Variants in PRKG2 observed in about 807,000 individuals in gnomAD.
PRKG2 encodes protein kinase cGMP-dependent 2, also known as cGMP-dependent protein kinase 2.
In PRKG2, 33 loss-of-function variants were observed where a neutral mutation model predicts 97.2. The ratio of observed to expected loss-of-function variants is 0.34; its 90% CI spans 0.26 to 0.45. The LOEUF (loss-of-function observed/expected upper bound fraction) is 0.45, where lower values mean the gene tolerates loss of function less well. PRKG2 is among the 20% of genes least tolerant of loss of function. The pLI is 1.00. For synonymous variants in PRKG2, 330 were observed against 321.8 expected (o/e 1.03, Z -0.27); for missense variants, 638 against 900.0 (o/e 0.71, Z 3.73).
intron 6 of PRKG2, 135 bp from the exon 7 acceptor site, chr4:81,153,856 C>T: frequency 1.6e-6 from 1 of 628,518 alleles, no homozygotes; most frequent in Non-Finnish European, 2.8e-6. Flanking sequence ...TCTGAGGTAC[C>T]GGGTTCATCT....
At chr4:81,092,821 T>C (rs1028128400) in intron 17 of PRKG2, among the ~76,000 whole-genome samples, 2 of 152,200 alleles carry the variant, frequency 1.3e-5, no homozygotes, top group Non-Finnish European at 1.5e-5. Context: ...CTTTGCCTTA[T>C]ATCCTATCTG....
At chr4:81,094,730 G>C (rs1360406947) in intron 17 of PRKG2, among the ~76,000 whole-genome samples, 1 of 152,016 alleles carries the variant, frequency 6.6e-6, no homozygotes, top group East Asian at 1.9e-4. Flanking sequence ...GAGGATCTGT[G>C]GCAAAGCCCT....
At chr4:81,130,516 C>T (rs1746067118) in intron 14 of PRKG2, among the ~76,000 whole-genome samples, 1 of 152,174 alleles carries the variant, frequency 6.6e-6, no homozygotes, top group South Asian at 2.1e-4. Flanking sequence ...AGCTCGAGCT[C>T]TGTTCTGGGA....
At chr4:81,141,364 T>C (rs1747269759) in intron 11 of PRKG2, among the ~76,000 whole-genome samples, 1 of 152,154 alleles carries the variant, frequency 6.6e-6, no homozygotes, top group Admixed American at 6.5e-5. Flanking sequence ...CATGAGGTTA[T>C]GTAAATTTAA....
chr4:81,191,076 T>A (rs1388137938), intron 2 of PRKG2, among the ~76,000 whole-genome samples: 1 of 152,028 alleles, frequency 6.6e-6, no homozygotes, highest in South Asian at 2.1e-4. Context: ...AGCACACCCA[T>A]TACTTGGTAT....
At chr4:81,183,925 G>A (rs60510576) in intron 2 of PRKG2, among the ~76,000 whole-genome samples, 31,926 of 152,084 alleles carry the variant, frequency 0.21, 6,276 homozygotes, top group African/African-American at 0.5. Context: ...AAGATGCTGC[G>A]GCCTGACTGC....
At chr4:81,176,772 TC>T in intron 2 of PRKG2, among the ~76,000 whole-genome samples, 1 of 152,318 alleles carries the variant, frequency 6.6e-6, no homozygotes, top group Non-Finnish European at 1.5e-5. Context: ...CCTCTTTATT[TC>T]TTTCTTTTTT....
chr4:81,141,797 A>C (rs78977521), intron 11 of PRKG2, among the ~76,000 whole-genome samples: 2 of 152,148 alleles, frequency 1.3e-5, no homozygotes, highest in African/African-American at 4.8e-5. Flanking sequence ...CACTGCAGAC[A>C]GGTATTATCT....
intron 9 of PRKG2, among the ~76,000 whole-genome samples, chr4:81,148,220 C>G (rs1169620481): frequency 6.6e-6 from 1 of 152,036 alleles, no homozygotes; most frequent in Non-Finnish European, 1.5e-5. Context: ...TACACTATGA[C>G]TTTTCTGACA....
At chr4:81,093,360 AACACACACACACACACAC>A (rs60004845) in intron 17 of PRKG2, among the ~76,000 whole-genome samples, 11 of 116,282 alleles carry the variant, frequency 9.5e-5, no homozygotes, top group East Asian at 2.5e-4. Flanking sequence ...CTCCCCCACC[AACACACACACACACACAC>A]ACACACACAC....
rs376757333 is a variant in PRKG2 at position 81,130,406 on chromosome 4, C to G, written c.1776+4749G>C. Reference sequence around the variant, plus strand: ...CCTGCCAGATGCCAGCTGGAGCTCTCCTGTATGAGATATCTGTTGATACCT... The same window carrying G: ...CCTGCCAGATGCCAGCTGGAGCTCTGCTGTATGAGATATCTGTTGATACCT... On this transcript the variant is annotated intron_variant, in intron 14 of 18. Coordinates refer to ENST00000264399, the MANE Select transcript of PRKG2 (RefSeq NM_006259.3). Among the ~76,000 whole-genome samples, 24 of 152,240 alleles carry G rather than the reference C, an allele frequency of 1.6e-4. No individual in the cohort carries two copies. The East Asian group carries it at 3.3e-3, about 21-fold the overall frequency.
At position 81,089,662 on chromosome 4, in the gene PRKG2, G is replaced by T; in HGVS notation, c.*46C>A. On this transcript the variant is annotated 3_prime_UTR_variant, in exon 19 of 19. Transcript: ENST00000264399. The stretch of plus-strand genomic sequence containing the variant: ...ATAATGTGTTGGATTATTGATCCTT[G>T]AGGTCCTCTTCTGTAGAGTACAGGC... 7.5e-7 allele frequency: 1 copy of T among 1,334,904 alleles called. No homozygotes were observed. Among genetic ancestry groups the T allele is most frequent in the Non-Finnish European group, 1.1e-6 (1 of 938,428 alleles). The allele number at this position is 1,334,904 out of a possible 1,614,324, so 82.7% of individuals were successfully genotyped here. A position where few individuals can be genotyped will look rare whatever the true frequency, so the allele number is the denominator to read the frequency against.
rs776487822 is a variant in PRKG2, at chr4:81,174,989, C to A, written c.462-30G>T. 2.0e-6 allele frequency: 3 copies of A among 1,530,210 alleles called. No homozygotes were observed. In the South Asian group the frequency reaches 3.7e-5, roughly 19 times the overall value. The allele number at this position is 1,530,210 out of a possible 1,614,324, so 94.8% of individuals were successfully genotyped here. ...TATAATGGAAAAGAGATGTTAGTTA[C>A]AATTAATGAAAATCATGTTTTACTA... On this transcript the variant is annotated intron_variant, in intron 2 of 18. Transcript: ENST00000264399.
intron 11 of PRKG2, among the ~76,000 whole-genome samples, chr4:81,141,006 GATTT>G (rs1297993421): frequency 6.7e-6 from 1 of 148,220 alleles, no homozygotes; most frequent in African/African-American, 2.6e-5. Context: ...TTCAAAGCAA[GATTT>G]ATTATTATTA....
At chr4:81,177,913 A>C (rs1340612699) in intron 2 of PRKG2, among the ~76,000 whole-genome samples, 2 of 151,808 alleles carry the variant, frequency 1.3e-5, no homozygotes, top group Non-Finnish European at 2.9e-5. Flanking sequence ...AGCATTTCCT[A>C]CAAGGCAGTT....
chr4:81,122,099 T>G (rs1387946625), intron 14 of PRKG2, among the ~76,000 whole-genome samples: 2 of 152,188 alleles, frequency 1.3e-5, no homozygotes, highest in Non-Finnish European at 2.9e-5. Flanking sequence ...ATTTATTGGA[T>G]TATTATTTGT....
intron 6 of PRKG2, among the ~76,000 whole-genome samples, chr4:81,155,301 G>A (rs1459611578): frequency 5.9e-5 from 9 of 151,980 alleles, no homozygotes; most frequent in East Asian, 5.8e-4. Flanking sequence ...CTCAGGAGCC[G>A]ATGCGATCAG....
At chr4:81,116,537 T>C (rs1045088935) in intron 14 of PRKG2, among the ~76,000 whole-genome samples, 1 of 152,174 alleles carries the variant, frequency 6.6e-6, no homozygotes, top group Non-Finnish European at 1.5e-5. Flanking sequence ...TTTGGGTATA[T>C]ACCCAATAAT....
At chr4:81,092,290 A>G in intron 18 of PRKG2, 96 bp downstream of exon 18, 1 of 686,774 alleles carries the variant, frequency 1.5e-6, no homozygotes, top group Non-Finnish European at 2.3e-6. Flanking sequence ...AACACCCAAA[A>G]TCTGTTATGG....
Sources: allele counts gnomAD v4.1 joint callset (sites outside exome capture counted in the v4.1 genomes callset), GRCh38; gene constraint gnomAD v4.1.1; transcripts MANE v1.5; gene names NCBI Gene and HGNC (gene_info 2026-07-23, HGNC 2026-07-21).